The following LTBP2 variants were observed in gnomAD, a reference collection of about 807,000 sequenced individuals.
The protein encoded by LTBP2 is latent transforming growth factor beta binding protein 2, also known as latent-transforming growth factor beta-binding protein 2.
Under a neutral mutation model 210.6 loss-of-function variants are expected in LTBP2, and 103 were observed. That is an observed-to-expected ratio of 0.49 (90% CI 0.42 to 0.58). The LOEUF (loss-of-function observed/expected upper bound fraction) is 0.58. Among genes scored for constraint, LTBP2 ranks in the 20% least tolerant of loss-of-function variants. The probability of loss-of-function intolerance (pLI) is 0.00; values close to 1 mark genes in which losing one functional copy is unlikely to be tolerated. For synonymous variants in LTBP2, 1,007 were observed against 1,015.0 expected (o/e 0.99, Z 0.15); for missense variants, 2,313 against 2,494.5 (o/e 0.93, Z 1.55).
At chr14:74,546,868 G>A (rs1362852736) in intron 8 of LTBP2, among the ~76,000 whole-genome samples, 1 of 152,270 alleles carries the variant, frequency 6.6e-6, no homozygotes, top group African/African-American at 2.4e-5. Flanking sequence ...GGGCGAGCAG[G>A]TAGCTGCTTC....
intron 8 of LTBP2, among the ~76,000 whole-genome samples, chr14:74,538,059 A>T (rs756357761): frequency 3.9e-5 from 6 of 152,102 alleles, no homozygotes; most frequent in Non-Finnish European, 8.8e-5. Flanking sequence ...CCAGCCTTTC[A>T]TATATTTTTA....
In LTBP2 at chr14:74,503,382, G is replaced by A; in HGVS notation, c.4725C>T (p.Asp1575=). 2 of 1,612,556 alleles carry A rather than the reference G, an allele frequency of 1.2e-6. No individual in the cohort carries two copies. The highest frequency in any genetic ancestry group is 8.5e-7 in the Non-Finnish European group (1 of 1,179,800). ...RCMNSTSSTE[D]LPDHDIHMDI... ...CCATGTGGATGTCGTGGTCAGGGAGGTCCTCTGGTGGCACAGGGCACGGAG... is the reference window on the plus strand; with the variant it reads ...CCATGTGGATGTCGTGGTCAGGGAGATCCTCTGGTGGCACAGGGCACGGAG... Residue 1575 remains aspartate, a synonymous_variant, in exon 33 of 36, where the codon GAC becomes GAT. Coordinates refer to ENST00000261978, the MANE Select transcript of LTBP2 (RefSeq NM_000428.3).
chr14:74,548,857 C>A (rs2087611718), intron 8 of LTBP2, among the ~76,000 whole-genome samples: 1 of 152,216 alleles, frequency 6.6e-6, no homozygotes, highest in South Asian at 2.1e-4. Context: ...TCAGGAAGAG[C>A]TGGGACTGGT....
chr14:74,532,555 G>C lies in LTBP2; in HGVS notation c.1865-7C>G. On this transcript the variant is annotated splice_polypyrimidine_tract_variant and splice_region_variant and intron_variant, in intron 9 of 35. Transcript: ENST00000261978. ...GTCAAGCACTCGTTGATATCTGCAG[G>C]GTTGGAGGAGATGACCAAGTGCCCG... is the stretch of plus-strand genomic sequence containing the variant. 1 of 1,613,906 alleles carries C rather than the reference G, an allele frequency of 6.2e-7. No homozygotes were observed.
At chr14:74,503,141 C>A in intron 33 of LTBP2, 78 bp downstream of exon 33, 1 of 1,585,810 alleles carries the variant, frequency 6.3e-7, no homozygotes, top group Non-Finnish European at 8.6e-7. Context: ...TTTCTAGATC[C>A]CCAGTTCCAA....
intron 15 of LTBP2, among the ~76,000 whole-genome samples, chr14:74,524,528 C>T (rs1160574132): frequency 1.3e-5 from 2 of 152,180 alleles, no homozygotes; most frequent in African/African-American, 4.8e-5. Context: ...CTTGCTTCTC[C>T]TGCACCAAGT....
At chr14:74,530,544 T>G (rs2087337524) in intron 10 of LTBP2, among the ~76,000 whole-genome samples, 1 of 152,134 alleles carries the variant, frequency 6.6e-6, no homozygotes, top group Non-Finnish European at 1.5e-5. Context: ...TTGAGAAGAG[T>G]CTTGTCTATT....
chr14:74,509,985 A>T (rs2087049209), intron 20 of LTBP2, 106 bp downstream of exon 20: 6 of 1,610,096 alleles, frequency 3.7e-6, no homozygotes, highest in Non-Finnish European at 5.1e-6. Context: ...GTGAATAGGG[A>T]TGCAAGGCCA....
chr14:74,538,805 T>C (rs1013211161), intron 8 of LTBP2, among the ~76,000 whole-genome samples: 1 of 152,216 alleles, frequency 6.6e-6, no homozygotes, highest in Admixed American at 6.5e-5. Flanking sequence ...GCACGTTCCA[T>C]GTAGGGACCA....
chr14:74,538,382 C>G (rs953877014), intron 8 of LTBP2, among the ~76,000 whole-genome samples: 1 of 152,030 alleles, frequency 6.6e-6, no homozygotes, highest in Non-Finnish European at 1.5e-5. Context: ...CATGGTAAGA[C>G]CCCCTGAGAA....
At chr14:74,585,726 G>A in intron 3 of LTBP2, 128 bp downstream of exon 3, 3 of 1,437,164 alleles carry the variant, frequency 2.1e-6, no homozygotes, top group Non-Finnish European at 2.8e-6. Flanking sequence ...GCCAAGGAGG[G>A]TGGGGAGGAG....
chr14:74,515,926 C>T (rs1269861597), intron 18 of LTBP2, among the ~76,000 whole-genome samples: 2 of 152,204 alleles, frequency 1.3e-5, no homozygotes, highest in African/African-American at 2.4e-5. Context: ...CCTGCCGCAA[C>T]CTCTCCCCTT....
intron 2 of LTBP2, among the ~76,000 whole-genome samples, chr14:74,600,268 C>T (rs1288484819): frequency 2.0e-5 from 3 of 152,234 alleles, no homozygotes; most frequent in Admixed American, 2.0e-4. Flanking sequence ...GAGCCAACTT[C>T]AAGTGGGAGG....
chr14:74,556,282 A>ATC, intron 3 of LTBP2, among the ~76,000 whole-genome samples: 1 of 152,314 alleles, frequency 6.6e-6, no homozygotes, highest in East Asian at 1.9e-4. Context: ...TAACACAGCA[A>ATC]CTACTTTTGC....
intron 3 of LTBP2, among the ~76,000 whole-genome samples, chr14:74,560,611 C>A (rs2087781872): frequency 6.6e-6 from 1 of 152,242 alleles, no homozygotes; most frequent in South Asian, 2.1e-4. Flanking sequence ...TTCACCCTCA[C>A]CCTAGCCTGG....
chr14:74,596,091 A>G (rs1304839894), intron 2 of LTBP2, among the ~76,000 whole-genome samples: 1 of 152,026 alleles, frequency 6.6e-6, no homozygotes, highest in Admixed American at 6.6e-5. Flanking sequence ...CAGGCGTGGT[A>G]GCACACACCT....
chr14:74,542,250 G>T (rs976366998), intron 8 of LTBP2, among the ~76,000 whole-genome samples: 2 of 152,172 alleles, frequency 1.3e-5, no homozygotes, highest in Non-Finnish European at 2.9e-5. Flanking sequence ...GCCGTGCCTC[G>T]GTTGCTCACA....
Position 74,573,901 on chromosome 14 carries a change from C to T in LTBP2, c.830+11953G>A, listed in dbSNP as rs530024999. On this transcript the variant is annotated intron_variant, in intron 3 of 35. Transcript: ENST00000261978. ...ATCATCAGTCTTTCACATTGAGACT[C>T]GGGGAGGTGAAAGAACACACTTGAT... Among the ~76,000 whole-genome samples, 5 of 152,244 alleles carry T rather than the reference C, an allele frequency of 3.3e-5. No homozygotes were observed. In the East Asian group the frequency reaches 7.7e-4, roughly 24 times the overall value.
intron 24 of LTBP2, 51 bp downstream of exon 24, chr14:74,508,553 G>A: frequency 6.3e-7 from 1 of 1,581,316 alleles, no homozygotes; most frequent in Non-Finnish European, 8.5e-7. Flanking sequence ...AGGTAGCTGT[G>A]CTGGCTTCCC....
Sources: allele counts gnomAD v4.1 joint callset (sites outside exome capture counted in the v4.1 genomes callset), GRCh38; gene constraint gnomAD v4.1.1; transcripts MANE v1.5; gene names NCBI Gene and HGNC (gene_info 2026-07-23, HGNC 2026-07-21).